The following RAF1 variants were observed in gnomAD, a reference collection of about 807,000 sequenced individuals.
RAF1 encodes Raf-1 proto-oncogene, serine/threonine kinase.
A neutral mutation model predicts 81.1 loss-of-function variants in RAF1; 27 were observed. The ratio of observed to expected loss-of-function variants is 0.33; its 90% confidence interval spans 0.25 to 0.46. The LOEUF is 0.46. Among genes scored for constraint, RAF1 ranks in the 20% least tolerant of loss-of-function variants. The pLI is 1.00. For missense variants in RAF1, 598 were observed against 826.0 expected, an observed-to-expected ratio of 0.72 and a Z score of 3.38; for synonymous variants, 298 against 294.0, an observed-to-expected ratio of 1.01 and a Z score of -0.14.
At chr3:12,595,648 T>C (rs1172287918) in intron 11 of RAF1, among the ~76,000 whole-genome samples, 4 of 152,012 alleles carry the variant, frequency 2.6e-5, no homozygotes, top group Non-Finnish European at 5.9e-5. Flanking sequence ...AGTGGTCCAC[T>C]TTGCACTTGA....
At chr3:12,658,329 G>A (rs1158676576) in intron 1 of RAF1, among the ~76,000 whole-genome samples, 1 of 152,212 alleles carries the variant, frequency 6.6e-6, no homozygotes, top group Admixed American at 6.5e-5. Context: ...AGGGCTGGGC[G>A]TGGTGGCTCA....
intron 14 of RAF1, 187 bp from the exon 14 acceptor site, chr3:12,585,986 G>A: frequency 6.8e-6 from 4 of 591,076 alleles, no homozygotes; most frequent in Non-Finnish European, 1.2e-5. Context: ...CCAGAAGACA[G>A]GCAGGGATTG....
chr3:12,608,504 T>G lies in RAF1; in HGVS notation c.581+262A>C, dbSNP rs113788042. 22,923 of 513,294 alleles carry G rather than the reference T, an allele frequency of 0.045. 706 individuals carry two copies. The highest frequency in any genetic ancestry group is 0.059 in the Non-Finnish European group (16,694 of 284,482). The allele number at this position is 513,294 out of a possible 1,614,324, so 31.8% of individuals were successfully genotyped here. ...TTGTTTTCATATCCTTTTGCTCCTT[T>G]CCTTACTGAATCACAGTCACAGTAT... On this transcript the variant is annotated intron_variant, in intron 5 of 17. Coordinates refer to ENST00000442415, the MANE Select transcript of RAF1 (RefSeq NM_001354689.3).
intron 1 of RAF1, among the ~76,000 whole-genome samples, chr3:12,643,802 T>C (rs941920247): frequency 1.3e-5 from 2 of 152,004 alleles, no homozygotes; most frequent in Non-Finnish European, 2.9e-5. Flanking sequence ...CAATTCCTAA[T>C]AAATTGCTGA....
chr3:12,625,889 C>T (rs1456706080), intron 1 of RAF1, among the ~76,000 whole-genome samples: 1 of 151,962 alleles, frequency 6.6e-6, no homozygotes, highest in East Asian at 1.9e-4. Context: ...TCACCAATAC[C>T]AATACAATTT....
Position 12,584,386 on chromosome 3 carries a change from G to T in RAF1, c.*128C>A. On this transcript the variant is annotated 3_prime_UTR_variant, in exon 18 of 18. Transcript: ENST00000442415. ...ACATGAAGTTAAGGCCCTGTGAGCA[G>T]TCTAGAAGGTCCTTAGCAGCAGCTT... The T allele has an allele frequency of 8.3e-7, 1 of 1,206,628 alleles. No individual in the cohort carries two copies. The highest frequency in any genetic ancestry group is 1.2e-6 in the Non-Finnish European group (1 of 834,788). 74.7% of individuals were successfully genotyped at this position (1,206,628 alleles called of 1,614,324 possible).
rs1051987697 is a variant in RAF1 at position 12,583,751 on chromosome 3, C to T, written c.*763G>A. On this transcript the variant is annotated 3_prime_UTR_variant, in exon 18 of 18. Transcript: ENST00000442415. ...GCTTCCTTGTATACACATGATGTGA[C>T]TAGAGAAACAAGGCTGTTTGTTTGT... The T allele has an allele frequency of 1.7e-5, 4 of 233,200 alleles. No homozygotes were observed. The highest frequency in any genetic ancestry group is 2.5e-5 in the Non-Finnish European group (3 of 118,032). The allele number at this position is 233,200 out of a possible 1,614,324, so 14.4% of individuals were successfully genotyped here.
intron 1 of RAF1, among the ~76,000 whole-genome samples, chr3:12,660,748 G>A (rs913536175): frequency 1.3e-4 from 20 of 152,110 alleles, no homozygotes; most frequent in African/African-American, 4.3e-4. Context: ...AGGCCAAGGC[G>A]GGTAGATCAC....
intron 1 of RAF1, among the ~76,000 whole-genome samples, chr3:12,645,304 C>T (rs973703304): frequency 6.6e-6 from 1 of 152,084 alleles, no homozygotes; most frequent in African/African-American, 2.4e-5. Flanking sequence ...ACAATTTATT[C>T]AGCTCATCTT....
In RAF1 at chr3:12,649,170, GCT is replaced by G. The variant is rs553084349; in HGVS notation, c.-27+14641_-27+14642del. Among the ~76,000 whole-genome samples, 682 of 152,226 alleles carry G rather than the reference GCT, an allele frequency of 4.5e-3. 5 individuals are homozygous for G. The highest frequency in any genetic ancestry group is 0.015 in the African/African-American group (639 of 41,554). The stretch of plus-strand genomic sequence containing the variant: ...AAAATTCCCTAGTCTTTAGTGGTGC[GCT>G]CAATAGTAAACTTTAACAACTTCTA... On this transcript the variant is annotated intron_variant, in intron 1 of 17. Transcript: ENST00000442415.
rs758145140 is a variant in RAF1 at position 12,587,595 on chromosome 3, G to A, written c.1473C>T (p.Ser491=). 2.5e-6 allele frequency: 4 copies of A among 1,608,356 alleles called. No individual in the cohort carries two copies. The highest frequency in any genetic ancestry group is 3.4e-6 in the Non-Finnish European group (4 of 1,174,806). ...AACTCAACAACCAAAGGATACTGTT[G>A]GATTTCATGTCTCTATGGATGATGT... Residue 491 remains serine, a synonymous_variant, in exon 14 of 18, where the codon TCC becomes TCT. Coordinates refer to ENST00000442415, the MANE Select transcript of RAF1 (RefSeq NM_001354689.3).
chr3:12,598,725 C>CAAAAAAAAAAAAAAAAAAAAAA (rs59472802), intron 11 of RAF1, among the ~76,000 whole-genome samples: 15 of 61,970 alleles, frequency 2.4e-4, no homozygotes, highest in East Asian at 1.3e-3. Flanking sequence ...GAATCTATCT[C>CAAAAAAAAAAAAAAAAAAAAAA]AAAAAAAAAA....
Position 12,609,312 on chromosome 3 carries a change from T to G in RAF1, c.344A>C (p.Asn115Thr), listed in dbSNP as rs1254266485. 6.2e-7 allele frequency: 1 copy of G among 1,613,376 alleles called. No homozygotes were observed. The highest frequency in any genetic ancestry group is 1.1e-5 in the South Asian group (1 of 91,062). Residue 115 changes from asparagine to threonine, a missense_variant, in exon 4 of 18, where the codon AAT becomes ACT. Asn to Thr is a moderately conservative substitution (Grantham distance 65). This residue lies in a region of RAF1 where 89 missense variants were observed against 169.2 expected (regional missense o/e 0.53). Transcript: ENST00000442415. Reference sequence around the variant, plus strand: ...TCCAATCAAAGACGCAGCATCAGTATTCCAATCTAAGCGTGCTTTTTTACT... The same window carrying G: ...TCCAATCAAAGACGCAGCATCAGTAGTCCAATCTAAGCGTGCTTTTTTACT...
At chr3:12,604,047 G>T (rs2125396059) in intron 7 of RAF1, 89 bp downstream of exon 7, 1 of 1,434,580 alleles carries the variant, frequency 7.0e-7, no homozygotes, top group Non-Finnish European at 9.8e-7. Context: ...AACATTCCTT[G>T]ATCAGATTTG....
chr3:12,600,844 G>A (rs1342526208), intron 8 of RAF1, among the ~76,000 whole-genome samples: 1 of 152,228 alleles, frequency 6.6e-6, no homozygotes, highest in Non-Finnish European at 1.5e-5. Context: ...TTACAGGCGT[G>A]AGCCACCGTG....
intron 1 of RAF1, among the ~76,000 whole-genome samples, chr3:12,626,490 C>T (rs1575614626): frequency 6.6e-6 from 1 of 151,188 alleles, no homozygotes; most frequent in East Asian, 2.0e-4. Context: ...ACTTGGGAGA[C>T]TGAGGTGGGA....
At chr3:12,655,697 T>A (rs2060669318) in intron 1 of RAF1, among the ~76,000 whole-genome samples, 1 of 152,002 alleles carries the variant, frequency 6.6e-6, no homozygotes. Context: ...GATGAGGAGA[T>A]AAACAAAATG....
intron 1 of RAF1, among the ~76,000 whole-genome samples, chr3:12,635,855 C>T (rs2060011158): frequency 6.6e-6 from 1 of 151,522 alleles, no homozygotes; most frequent in Admixed American, 6.6e-5. Context: ...CACCTGTAGT[C>T]CCAGCTACTC....
intron 3 of RAF1, among the ~76,000 whole-genome samples, chr3:12,610,766 G>A (rs2059185014): frequency 6.6e-6 from 1 of 152,048 alleles, no homozygotes; most frequent in African/African-American, 2.4e-5. Context: ...CCAAGAAGAG[G>A]GTAAAAAAGA....
Sources: allele counts gnomAD v4.1 joint callset (sites outside exome capture counted in the v4.1 genomes callset), GRCh38; gene constraint gnomAD v4.1.1; regional missense constraint gnomAD v4.1.1; transcripts MANE v1.5; gene names NCBI Gene and HGNC (gene_info 2026-07-23, HGNC 2026-07-21).